The following EEFSEC variants were observed in gnomAD, a reference collection of about 807,000 sequenced individuals.
The protein encoded by EEFSEC is eukaryotic elongation factor, selenocysteine-tRNA specific, also known as selenocysteine-specific elongation factor.
EEFSEC carries 43 observed loss-of-function variants against 42.1 expected under a neutral mutation model. The ratio of observed to expected loss-of-function variants is 1.02; its 90% CI spans 0.80 to 1.32. The LOEUF (loss-of-function observed/expected upper bound fraction) is 1.32, where lower values mean the gene tolerates loss of function less well. Ranked by LOEUF, EEFSEC falls within the 40% of genes most tolerant of loss-of-function variation. EEFSEC has a pLI of 0.00. For synonymous variants in EEFSEC, 354 were observed against 339.1 expected (o/e 1.04, Z -0.48); for missense variants, 745 against 803.6 (o/e 0.93, Z 0.88).
At chr3:128,335,665 C>G (rs1459092623) in intron 4 of EEFSEC, among the ~76,000 whole-genome samples, 1 of 152,166 alleles carries the variant, frequency 6.6e-6, no homozygotes, top group African/African-American at 2.4e-5. Context: ...CCCAGGGTCA[C>G]ATCATCTGTG....
chr3:128,195,551 A>C (rs2065575467), intron 1 of EEFSEC, among the ~76,000 whole-genome samples: 1 of 152,168 alleles, frequency 6.6e-6, no homozygotes, highest in Non-Finnish European at 1.5e-5. Context: ...TATCTGGCGG[A>C]ATGTGTGGGA....
chr3:128,315,829 C>A (rs1388464314), intron 4 of EEFSEC, among the ~76,000 whole-genome samples: 1 of 152,166 alleles, frequency 6.6e-6, no homozygotes, highest in Non-Finnish European at 1.5e-5. Context: ...CCTTCCTATG[C>A]TATATGTTAT....
intron 5 of EEFSEC, among the ~76,000 whole-genome samples, chr3:128,355,802 C>T (rs1353829835): frequency 6.6e-6 from 1 of 152,196 alleles, no homozygotes; most frequent in Non-Finnish European, 1.5e-5. Context: ...TGGTTGGAAG[C>T]AATAAACAAG....
chr3:128,344,324 G>A (rs550262329), intron 5 of EEFSEC, among the ~76,000 whole-genome samples: 1 of 152,334 alleles, frequency 6.6e-6, no homozygotes, highest in South Asian at 2.1e-4. Context: ...CTGAGGAAGA[G>A]GTCATTATTT....
chr3:128,411,551 T>G (rs1469779343), downstream of EEFSEC, among the ~76,000 whole-genome samples: 2 of 151,708 alleles, frequency 1.3e-5, no homozygotes, highest in African/African-American at 4.8e-5. Flanking sequence ...ATGGGTGGGG[T>G]GGGGCATGGG....
intron 4 of EEFSEC, among the ~76,000 whole-genome samples, chr3:128,332,051 G>A (rs2067139471): frequency 6.6e-6 from 1 of 152,020 alleles, no homozygotes; most frequent in South Asian, 2.1e-4. Flanking sequence ...TTAAGGGTAT[G>A]GATAAATGAC....
intron 5 of EEFSEC, 123 bp downstream of exon 5, chr3:128,342,012 GTAGT>G (rs1196616829): frequency 3.0e-6 from 4 of 1,323,174 alleles, no homozygotes; most frequent in Admixed American, 2.7e-5. Context: ...GCCAACCTCT[GTAGT>G]TTCTGTACAA....
intron 5 of EEFSEC, among the ~76,000 whole-genome samples, chr3:128,343,086 G>A (rs1445795925): frequency 2.0e-5 from 3 of 152,214 alleles, no homozygotes; most frequent in Non-Finnish European, 4.4e-5. Context: ...TCTGCCCTGA[G>A]GCTTTCAACA....
At chr3:128,283,262 G>A (rs2066547964) in intron 4 of EEFSEC, among the ~76,000 whole-genome samples, 1 of 152,176 alleles carries the variant, frequency 6.6e-6, no homozygotes, top group Non-Finnish European at 1.5e-5. Context: ...TCAGCTCCAG[G>A]TCTCATTGAA....
intron 6 of EEFSEC, among the ~76,000 whole-genome samples, chr3:128,395,454 C>G (rs1471851216): frequency 6.6e-6 from 1 of 152,248 alleles, no homozygotes; most frequent in African/African-American, 2.4e-5. Context: ...CCGGGTGTGA[C>G]TGTCTGTGGC....
chr3:128,414,885 AGAG>A, the EEFSEC span, among the ~76,000 whole-genome samples: 3 of 152,136 alleles, frequency 2.0e-5, no homozygotes, highest in South Asian at 4.1e-4. Flanking sequence ...GAGTCAGTAA[AGAG>A]GAGGAGGAGG....
At chr3:128,222,684 T>A (rs182471364) in intron 1 of EEFSEC, among the ~76,000 whole-genome samples, 3 of 152,354 alleles carry the variant, frequency 2.0e-5, no homozygotes, top group Non-Finnish European at 1.5e-5. Context: ...TGTTGAACAT[T>A]TGTTTGCATT....
intron 1 of EEFSEC, among the ~76,000 whole-genome samples, chr3:128,240,897 C>A (rs1369080344): frequency 4.6e-5 from 7 of 152,110 alleles, no homozygotes; most frequent in Non-Finnish European, 1.0e-4. Context: ...AGGAGATAGG[C>A]AATACATTGA....
intron 6 of EEFSEC, among the ~76,000 whole-genome samples, chr3:128,381,524 A>G (rs562765060): frequency 1.2e-4 from 19 of 152,338 alleles, no homozygotes; most frequent in Admixed American, 3.3e-4. Flanking sequence ...AGGCCTGAAC[A>G]GCGCCAGAGC....
At chr3:128,383,009 C>T (rs556277444) in intron 6 of EEFSEC, among the ~76,000 whole-genome samples, 62 of 152,310 alleles carry the variant, frequency 4.1e-4, no homozygotes, top group South Asian at 1.9e-3. Context: ...ATTCCCCCAG[C>T]CCCTCCCTGC....
At position 128,262,300 on chromosome 3, in the gene EEFSEC, C is replaced by T. The variant is rs917902874; in HGVS notation, c.621+76C>T. The T allele has an allele frequency of 5.3e-6, 7 of 1,327,380 alleles. No individual in the cohort carries two copies. In the African/African-American group the frequency reaches 1.0e-4, roughly 19 times the overall value. 82.2% of individuals were successfully genotyped at this position (1,327,380 alleles called of 1,614,324 possible). A position where few individuals can be genotyped will look rare whatever the true frequency, so the allele number is the denominator to read the frequency against. ...CCAGCCCCTTTGTGTCCCTCTCTCC[C>T]CTGAGAGAGAAAGAGAGGCAGCCCT... On this transcript the variant is annotated intron_variant, in intron 3 of 6. Transcript: ENST00000254730.
At chr3:128,378,942 C>T (rs1395337962) in intron 6 of EEFSEC, among the ~76,000 whole-genome samples, 1 of 152,172 alleles carries the variant, frequency 6.6e-6, no homozygotes, top group African/African-American at 2.4e-5. Flanking sequence ...ACTGGTCGGC[C>T]AGGGAGACTC....
At chr3:128,201,665 CTATT>C (rs2065645379) in intron 1 of EEFSEC, among the ~76,000 whole-genome samples, 1 of 151,998 alleles carries the variant, frequency 6.6e-6, no homozygotes, top group Non-Finnish European at 1.5e-5. Flanking sequence ...TATGGCTTAC[CTATT>C]TGTTTTCTTA....
At chr3:128,171,392 C>T (rs2065295061) in intron 1 of EEFSEC, among the ~76,000 whole-genome samples, 1 of 151,738 alleles carries the variant, frequency 6.6e-6, no homozygotes, top group African/African-American at 2.4e-5. Context: ...AGGCTTGTAC[C>T]TACAATGGCA....
Sources: allele counts gnomAD v4.1 joint callset (sites outside exome capture counted in the v4.1 genomes callset), GRCh38; gene constraint gnomAD v4.1.1; transcripts MANE v1.5; gene names NCBI Gene and HGNC (gene_info 2026-07-23, HGNC 2026-07-21).